MSH3: variants seen among roughly 807,000 people sequenced by gnomAD.
The protein encoded by MSH3 is mutS homolog 3, also known as DNA mismatch repair protein Msh3.
MSH3 carries 106 observed loss-of-function variants against 123.3 expected under a neutral mutation model. That is an observed-to-expected ratio of 0.86 (90% confidence interval 0.73 to 1.01). MSH3 has a LOEUF of 1.01. Among genes scored for constraint, MSH3 ranks in the 50% least tolerant of loss-of-function variants. The pLI, the probability that MSH3 is intolerant of heterozygous loss-of-function variation, is 0.00. For synonymous variants in MSH3, 515 were observed against 481.4 expected, an observed-to-expected ratio of 1.07 and a Z score of -0.91; for missense variants, 1,459 against 1,347.6, an observed-to-expected ratio of 1.08 and a Z score of -1.29.
chr5:80,863,907 C>T (rs1258879019), intron 21 of MSH3, among the ~76,000 whole-genome samples: 4 of 152,010 alleles, frequency 2.6e-5, no homozygotes, highest in Non-Finnish European at 4.4e-5. Context: ...TAAAATGTTT[C>T]TTATCAGACC....
At position 80,658,037 on chromosome 5, in the gene MSH3, C is replaced by CTTTTTTTTT. The variant is rs397942439; in HGVS notation, c.358+1511_358+1519dup. 1.7e-4 allele frequency among the ~76,000 whole-genome samples: 20 copies of CTTTTTTTTT among 116,640 alleles called. 1 individual carries two copies. The highest frequency in any genetic ancestry group is 2.7e-4 in the East Asian group (1 of 3,748). The allele number at this position is 116,640 out of a possible 152,430, so 76.5% of individuals were successfully genotyped here. A position where few individuals can be genotyped will look rare whatever the true frequency, so the allele number is the denominator to read the frequency against. On this transcript the variant is annotated intron_variant, in intron 2 of 23. Transcript: ENST00000265081. ...TTTTCCTAAGAATGCTTTTTGCCCT[C>CTTTTTTTTT]TTTTTTTTTTTTTGAGATAGGGTCT...
chr5:80,820,192 T>C (rs1221644690), intron 20 of MSH3, among the ~76,000 whole-genome samples: 1 of 152,208 alleles, frequency 6.6e-6, no homozygotes, highest in African/African-American at 2.4e-5. Flanking sequence ...TGCCCAATAC[T>C]GCTGTGGATA....
At chr5:80,676,204 T>G (rs1398293694) in intron 7 of MSH3, among the ~76,000 whole-genome samples, 2 of 152,158 alleles carry the variant, frequency 1.3e-5, no homozygotes. Flanking sequence ...CTAATTTTTG[T>G]ATTTTTAGTA....
intron 9 of MSH3, 52 bp downstream of exon 9, chr5:80,725,617 A>G (rs771632854): frequency 4.8e-6 from 6 of 1,251,714 alleles, no homozygotes; most frequent in South Asian, 1.2e-5. Flanking sequence ...AAATTTGGAT[A>G]AAGGTATTAG....
intron 22 of MSH3, among the ~76,000 whole-genome samples, chr5:80,870,019 C>G (rs941345063): frequency 2.0e-5 from 3 of 150,934 alleles, no homozygotes; most frequent in Non-Finnish European, 4.4e-5. Flanking sequence ...ACTAAAAATA[C>G]AAAAAGTAGC....
intron 21 of MSH3, among the ~76,000 whole-genome samples, chr5:80,855,181 G>A (rs2112107680): frequency 6.6e-6 from 1 of 151,866 alleles, no homozygotes; most frequent in South Asian, 2.1e-4. Flanking sequence ...TTTGGTCTCT[G>A]CTTTTCAAAT....
intron 19 of MSH3, among the ~76,000 whole-genome samples, chr5:80,797,903 C>CG (rs1744726431): frequency 6.6e-6 from 1 of 152,086 alleles, no homozygotes; most frequent in Non-Finnish European, 1.5e-5. Context: ...GAAACCCCAG[C>CG]GAACCCACTG....
chr5:80,734,887 G>A (rs1561460144), intron 10 of MSH3, among the ~76,000 whole-genome samples: 1 of 152,078 alleles, frequency 6.6e-6, no homozygotes, highest in Non-Finnish European at 1.5e-5. Flanking sequence ...TCAGGGTCAC[G>A]GTTCTGCACC....
At chr5:80,849,339 C>T (rs1161664641) in intron 20 of MSH3, among the ~76,000 whole-genome samples, 1 of 152,140 alleles carries the variant, frequency 6.6e-6, no homozygotes, top group Non-Finnish European at 1.5e-5. Flanking sequence ...GTCTGGAGGA[C>T]TGTGGCCTTC....
intron 8 of MSH3, among the ~76,000 whole-genome samples, chr5:80,702,643 C>T (rs1038055142): frequency 6.6e-6 from 1 of 151,920 alleles, no homozygotes; most frequent in Non-Finnish European, 1.5e-5. Context: ...TAACACTTAA[C>T]TAGACAGATT....
At chr5:80,831,233 A>G (rs1346203140) in intron 20 of MSH3, among the ~76,000 whole-genome samples, 1 of 152,214 alleles carries the variant, frequency 6.6e-6, no homozygotes, top group Non-Finnish European at 1.5e-5. Flanking sequence ...GATACGATAT[A>G]ATTCTTAAAT....
intron 8 of MSH3, among the ~76,000 whole-genome samples, chr5:80,680,422 C>CA (rs146271102): frequency 0.13 from 18,364 of 143,896 alleles, 1,178 homozygotes; most frequent in African/African-American, 0.19. Flanking sequence ...ATTCAGAAGA[C>CA]AAAAAAAAAA....
At chr5:80,669,881 A>G (rs1213453307) in intron 3 of MSH3, among the ~76,000 whole-genome samples, 1 of 152,246 alleles carries the variant, frequency 6.6e-6, no homozygotes, top group Non-Finnish European at 1.5e-5. Context: ...TAAAAATTCT[A>G]TGATAGCTTA....
At chr5:80,721,426 A>G (rs143780020) in intron 8 of MSH3, among the ~76,000 whole-genome samples, 1 of 152,314 alleles carries the variant, frequency 6.6e-6, no homozygotes, top group African/African-American at 2.4e-5. Flanking sequence ...TGTAGTCACT[A>G]TTATCAAATA....
intron 21 of MSH3, among the ~76,000 whole-genome samples, chr5:80,856,090 G>T (rs1351738565): frequency 1.3e-5 from 2 of 151,664 alleles, no homozygotes; most frequent in Admixed American, 6.6e-5. Flanking sequence ...TCACCGTGTT[G>T]CTCAGGCTAG....
In MSH3 at chr5:80,654,808, C is replaced by T. The variant is rs749586225; in HGVS notation, c.81C>T (p.Phe27=). ...APARQAVLSR[F]FQSTGSLKST... ...CGAGGCAAGCGGTTTTGAGCCGATTCTTCCAGTCTACGGGAAGCCTGAAAT... is the reference window on the plus strand; with the variant it reads ...CGAGGCAAGCGGTTTTGAGCCGATTTTTCCAGTCTACGGGAAGCCTGAAAT... The change falls in exon 1 of 24, where the codon TTC becomes TTT. Residue 27 remains phenylalanine, a synonymous_variant. Transcript: ENST00000265081. The T allele has an allele frequency of 5.6e-6, 9 of 1,606,950 alleles. No individual in the cohort carries two copies. In the African/African-American group the frequency reaches 1.1e-4, roughly 19 times the overall value.
intron 8 of MSH3, among the ~76,000 whole-genome samples, chr5:80,722,859 C>T (rs1489613196): frequency 6.6e-6 from 1 of 152,166 alleles, no homozygotes; most frequent in African/African-American, 2.4e-5. Flanking sequence ...AATCCCAGCA[C>T]TTTGGGAGGC....
chr5:80,751,391 C>T (rs1743834228), intron 12 of MSH3, among the ~76,000 whole-genome samples: 1 of 152,158 alleles, frequency 6.6e-6, no homozygotes, highest in Non-Finnish European at 1.5e-5. Context: ...TGATTTTCGA[C>T]AAACCCGATA....
At chr5:80,869,762 CTT>C (rs1054737911) in intron 22 of MSH3, among the ~76,000 whole-genome samples, 30 of 131,182 alleles carry the variant, frequency 2.3e-4, no homozygotes, top group African/African-American at 6.8e-4. Context: ...ACAACTATCT[CTT>C]GTGCACTCTT....
Sources: gnomAD v4.1 joint callset for allele counts (sites outside exome capture counted in the v4.1 genomes callset) on GRCh38, gnomAD v4.1.1 for gene constraint, MANE v1.5 for transcripts, NCBI Gene and HGNC (gene_info 2026-07-23, HGNC 2026-07-21) for gene names.